Variants in NKAIN3 observed in about 807,000 individuals in gnomAD.
The protein encoded by NKAIN3 is sodium/potassium-transporting ATPase subunit beta-1-interacting protein 3.
In NKAIN3, 25 loss-of-function variants were observed where a neutral mutation model predicts 30.2. That is an observed-to-expected ratio of 0.83 (90% CI 0.60 to 1.16). The LOEUF (loss-of-function observed/expected upper bound fraction) is 1.16. Among genes scored for constraint, NKAIN3 ranks in the 50% most tolerant of loss-of-function variants. The pLI is 0.00. For missense variants in NKAIN3, 225 were observed against 254.1 expected (o/e 0.89, Z 0.78); for synonymous variants, 91 against 89.6 (o/e 1.02, Z -0.09).
At chr8:62,304,955 T>C (rs1814177928) in intron 1 of NKAIN3, among the ~76,000 whole-genome samples, 1 of 150,488 alleles carries the variant, frequency 6.6e-6, no homozygotes, top group Non-Finnish European at 1.5e-5. Flanking sequence ...TGTAATGAAA[T>C]CTCAGTTCTA....
At chr8:62,687,418 G>A (rs756909578) in intron 3 of NKAIN3, among the ~76,000 whole-genome samples, 1 of 152,210 alleles carries the variant, frequency 6.6e-6, no homozygotes, top group Non-Finnish European at 1.5e-5. Context: ...GAGGAGCCAA[G>A]TTGCCTGAGT....
At chr8:62,319,059 TG>T (rs1194659738) in intron 1 of NKAIN3, among the ~76,000 whole-genome samples, 10 of 152,190 alleles carry the variant, frequency 6.6e-5, no homozygotes, top group Non-Finnish European at 2.9e-5. Context: ...GGTTTAGTCT[TG>T]GGAGGGTGTA....
At chr8:62,569,281 C>G (rs1466102933) in intron 1 of NKAIN3, among the ~76,000 whole-genome samples, 2 of 152,070 alleles carry the variant, frequency 1.3e-5, no homozygotes, top group Non-Finnish European at 2.9e-5. Flanking sequence ...AGCTTTTTTT[C>G]AGAGCTCTGA....
At chr8:62,329,097 C>T (rs908281525) in intron 1 of NKAIN3, among the ~76,000 whole-genome samples, 2 of 151,870 alleles carry the variant, frequency 1.3e-5, no homozygotes, top group African/African-American at 4.8e-5. Flanking sequence ...TGGAAGTGAG[C>T]TGAGAAGTAT....
intron 1 of NKAIN3, among the ~76,000 whole-genome samples, chr8:62,271,620 A>G (rs1563914000): frequency 6.6e-6 from 1 of 152,146 alleles, no homozygotes. Context: ...GACTCATGTT[A>G]GCTGTTTTAA....
At chr8:62,865,432 G>C (rs1306184227) in intron 4 of NKAIN3, among the ~76,000 whole-genome samples, 1 of 152,082 alleles carries the variant, frequency 6.6e-6, no homozygotes, top group Non-Finnish European at 1.5e-5. Context: ...CATTTATTTT[G>C]CTTTGAAGTA....
At position 62,345,499 on chromosome 8, in the gene NKAIN3, A is replaced by ATG. The variant is rs1224783016; in HGVS notation, c.54+96373_54+96374insGT. ...CACATATATGTATATATACACACAT[A>ATG]TATACACATATATACACATATATGT... On this transcript the variant is annotated intron_variant, in intron 1 of 6. Transcript: ENST00000623646. Among the ~76,000 whole-genome samples, 769 of 29,438 alleles carry ATG rather than the reference A, an allele frequency of 0.026. 47 individuals are homozygous for ATG. The East Asian group carries it at 0.28, about 11-fold the overall frequency. The allele number at this position is 29,438 out of a possible 152,430, so 19.3% of individuals were successfully genotyped here.
chr8:62,509,149 TGACTAAG>T (rs1807737232), intron 1 of NKAIN3, among the ~76,000 whole-genome samples: 1 of 152,122 alleles, frequency 6.6e-6, no homozygotes, highest in African/African-American at 2.4e-5. Flanking sequence ...CTACATGTGA[TGACTAAG>T]GCATTGATCA....
At chr8:62,842,876 G>T (rs567490197) in intron 4 of NKAIN3, among the ~76,000 whole-genome samples, 2 of 152,076 alleles carry the variant, frequency 1.3e-5, no homozygotes, top group East Asian at 3.9e-4. Flanking sequence ...AATGATTAAA[G>T]ACTTAAAGCT....
intron 1 of NKAIN3, among the ~76,000 whole-genome samples, chr8:62,353,023 C>G (rs539994972): frequency 6.6e-6 from 1 of 152,208 alleles, no homozygotes; most frequent in Admixed American, 6.5e-5. Flanking sequence ...AAAATCAAAC[C>G]AACAGTCTGC....
At chr8:62,951,055 T>C (rs912968598) in intron 5 of NKAIN3, among the ~76,000 whole-genome samples, 1 of 143,742 alleles carries the variant, frequency 7.0e-6, no homozygotes, top group African/African-American at 2.6e-5. Context: ...AGACACAATA[T>C]AACTAGCACC....
intron 4 of NKAIN3, among the ~76,000 whole-genome samples, chr8:62,816,414 CA>C (rs1442193943): frequency 6.6e-6 from 1 of 152,268 alleles, no homozygotes; most frequent in East Asian, 1.9e-4. Flanking sequence ...CATAAGCATG[CA>C]GCAACTCTGC....
At chr8:62,865,492 A>G (rs1200734772) in intron 4 of NKAIN3, among the ~76,000 whole-genome samples, 2 of 151,986 alleles carry the variant, frequency 1.3e-5, no homozygotes, top group Non-Finnish European at 2.9e-5. Context: ...GGGGAAGAGC[A>G]GTCTTTTGAC....
chr8:62,864,267 A>C, intron 4 of NKAIN3: 1 of 1,086,686 alleles, frequency 9.2e-7, no homozygotes, highest in East Asian at 2.4e-5. Context: ...GGCAGACGGC[A>C]AAGGACAATG....
chr8:62,933,005 C>CACACAG (rs1822667337), intron 5 of NKAIN3, among the ~76,000 whole-genome samples: 1 of 151,308 alleles, frequency 6.6e-6, no homozygotes, highest in South Asian at 2.1e-4. Flanking sequence ...AACACACACA[C>CACACAG]ACACACACAC....
At chr8:62,554,770 A>G (rs113457430) in intron 1 of NKAIN3, among the ~76,000 whole-genome samples, 503 of 152,204 alleles carry the variant, frequency 3.3e-3, no homozygotes, top group African/African-American at 0.011. Flanking sequence ...GGTGTTGCAC[A>G]TTAGATTTCC....
chr8:62,529,541 T>G (rs1808422528), intron 1 of NKAIN3, among the ~76,000 whole-genome samples: 2 of 152,034 alleles, frequency 1.3e-5, no homozygotes, highest in African/African-American at 4.8e-5. Flanking sequence ...TCCAGAGAGC[T>G]AGGGTGCCCC....
intron 1 of NKAIN3, among the ~76,000 whole-genome samples, chr8:62,416,364 C>G (rs1804444565): frequency 6.6e-6 from 1 of 152,144 alleles, no homozygotes; most frequent in African/African-American, 2.4e-5. Context: ...CCTTGGCTTT[C>G]CGTTTTTATT....
At chr8:62,836,468 TA>T (rs1204519421) in intron 4 of NKAIN3, among the ~76,000 whole-genome samples, 1 of 152,142 alleles carries the variant, frequency 6.6e-6, no homozygotes, top group African/African-American at 2.4e-5. Flanking sequence ...GAAGATTTCA[TA>T]AATGTACTAA....
Sources: gnomAD v4.1 joint callset for allele counts (sites outside exome capture counted in the v4.1 genomes callset) on GRCh38, gnomAD v4.1.1 for gene constraint, MANE v1.5 for transcripts, NCBI Gene and HGNC (gene_info 2026-07-23, HGNC 2026-07-21) for gene names.